TTC28: variants seen among roughly 807,000 people sequenced by gnomAD.
TTC28 encodes the protein tetratricopeptide repeat protein 28.
A neutral mutation model predicts 198.0 loss-of-function variants in TTC28; 61 were observed. The ratio of observed to expected loss-of-function variants is 0.31; its 90% CI spans 0.25 to 0.38. TTC28 has a LOEUF of 0.38. Ranked by LOEUF, TTC28 falls within the 10% of genes least tolerant of loss-of-function variation. The pLI, the probability that TTC28 is intolerant of heterozygous loss-of-function variation, is 1.00. For synonymous variants in TTC28, 1,171 were observed against 1,297.8 expected (o/e 0.90, Z 2.10); for missense variants, 2,678 against 3,164.0 (o/e 0.85, Z 3.69).
chr22:28,038,756 T>C (rs1050736393), intron 12 of TTC28, among the ~76,000 whole-genome samples: 1 of 152,192 alleles, frequency 6.6e-6, no homozygotes, highest in African/African-American at 2.4e-5. Context: ...GAGAAAATTT[T>C]TGCAATCTAC....
intron 6 of TTC28, among the ~76,000 whole-genome samples, chr22:28,162,372 G>A (rs561423077): frequency 5.9e-5 from 9 of 152,114 alleles, no homozygotes; most frequent in Non-Finnish European, 1.3e-4. Context: ...TTCCTGTGGG[G>A]TTAATTCACC....
intron 2 of TTC28, among the ~76,000 whole-genome samples, chr22:28,535,025 T>C (rs914255388): frequency 2.6e-5 from 4 of 152,062 alleles, no homozygotes; most frequent in Admixed American, 6.6e-5. Context: ...AACCTGCACA[T>C]TGTACACATG....
chr22:28,609,312 C>T (rs1168072884), intron 2 of TTC28, among the ~76,000 whole-genome samples: 1 of 152,130 alleles, frequency 6.6e-6, no homozygotes, highest in African/African-American at 2.4e-5. Context: ...ATAGGAACAG[C>T]TACGGTCTGC....
intron 2 of TTC28, among the ~76,000 whole-genome samples, chr22:28,539,535 C>T (rs1334654392): frequency 6.6e-6 from 1 of 151,800 alleles, no homozygotes; most frequent in Non-Finnish European, 1.5e-5. Flanking sequence ...ACTTGGGAGG[C>T]TGAGGCGTGA....
At chr22:28,459,441 A>T (rs928691263) in intron 2 of TTC28, among the ~76,000 whole-genome samples, 1 of 152,106 alleles carries the variant, frequency 6.6e-6, no homozygotes, top group East Asian at 1.9e-4. Context: ...AAAGAAAAAA[A>T]AAATTAAAGA....
chr22:28,079,902 A>AT (rs960688834), intron 12 of TTC28, among the ~76,000 whole-genome samples: 4 of 151,956 alleles, frequency 2.6e-5, no homozygotes, highest in African/African-American at 9.7e-5. Context: ...AGTTTTAAAA[A>AT]TTTTTTTGTA....
intron 2 of TTC28, among the ~76,000 whole-genome samples, chr22:28,313,614 CAT>C (rs1264617692): frequency 1.3e-5 from 2 of 152,182 alleles, no homozygotes; most frequent in Non-Finnish European, 2.9e-5. Context: ...ACAAAAACCA[CAT>C]GATTATCTCA....
intron 3 of TTC28, among the ~76,000 whole-genome samples, chr22:28,305,967 T>C (rs2045136198): frequency 6.6e-6 from 1 of 152,304 alleles, no homozygotes; most frequent in Admixed American, 6.5e-5. Flanking sequence ...CTGTCTTGTT[T>C]TTTTCTTTTT....
intron 2 of TTC28, among the ~76,000 whole-genome samples, chr22:28,608,457 A>C (rs1455015138): frequency 1.3e-5 from 2 of 152,234 alleles, no homozygotes. Flanking sequence ...GCAACTGCTT[A>C]ACATCACAAC....
chr22:28,356,383 T>C (rs1044025123), intron 2 of TTC28, among the ~76,000 whole-genome samples: 1 of 152,154 alleles, frequency 6.6e-6, no homozygotes, highest in African/African-American at 2.4e-5. Flanking sequence ...CTGAGAAATC[T>C]CTAGGGCTCT....
chr22:28,628,380 T>A (rs1165077682), intron 2 of TTC28, among the ~76,000 whole-genome samples: 3 of 152,188 alleles, frequency 2.0e-5, no homozygotes, highest in African/African-American at 7.2e-5. Context: ...CTTACTTATA[T>A]GAAGTGAAGT....
intron 5 of TTC28, among the ~76,000 whole-genome samples, chr22:28,182,944 C>T (rs958188648): frequency 1.3e-5 from 2 of 152,046 alleles, no homozygotes; most frequent in African/African-American, 4.8e-5. Flanking sequence ...TGAAGTTGGA[C>T]TAGGATCTAC....
At chr22:28,130,151 A>G (rs1265351005) in intron 6 of TTC28, among the ~76,000 whole-genome samples, 1 of 152,210 alleles carries the variant, frequency 6.6e-6, no homozygotes, top group Non-Finnish European at 1.5e-5. Context: ...TCAAAGTTTA[A>G]GCAGATTCCT....
intron 2 of TTC28, among the ~76,000 whole-genome samples, chr22:28,358,683 C>T (rs766979100): frequency 1.1e-4 from 17 of 152,164 alleles, no homozygotes; most frequent in Admixed American, 7.9e-4. Flanking sequence ...CATTCTTCTA[C>T]TTAGTAGATG....
At chr22:28,536,413 A>G (rs2049279712) in intron 2 of TTC28, among the ~76,000 whole-genome samples, 1 of 151,644 alleles carries the variant, frequency 6.6e-6, no homozygotes, top group Admixed American at 6.6e-5. Flanking sequence ...TCACGAGGTC[A>G]GGAGATCGAG....
At position 28,005,464 on chromosome 22, in the gene TTC28, C is replaced by T. The variant is rs565921269; in HGVS notation, c.4219-3911G>A. On this transcript the variant is annotated intron_variant, in intron 14 of 22. Coordinates refer to ENST00000397906, the MANE Select transcript of TTC28 (RefSeq NM_001145418.2). This position sits in a 1 kb window ranked among gnomAD's most constrained non-coding sequence, Gnocchi z 4.9. The stretch of plus-strand genomic sequence containing the variant: ...AGGTCCTGAAGCCCTTGTCACTATC[C>T]GCTCCAAGATAGGCTGCATTCCTTT... 6.6e-6 allele frequency among the ~76,000 whole-genome samples: 1 copy of T among 152,184 alleles called. No individual in the cohort carries two copies. Among genetic ancestry groups the T allele is most frequent in the Non-Finnish European group, 1.5e-5 (1 of 68,032 alleles).
intron 12 of TTC28, among the ~76,000 whole-genome samples, chr22:28,042,394 G>A (rs1939679721): frequency 1.3e-5 from 2 of 152,118 alleles, no homozygotes; most frequent in South Asian, 4.1e-4. Flanking sequence ...GGAATACTAT[G>A]CAGACATAAA....
At chr22:28,539,346 G>A (rs1016780924) in intron 2 of TTC28, among the ~76,000 whole-genome samples, 1 of 152,104 alleles carries the variant, frequency 6.6e-6, no homozygotes, top group Non-Finnish European at 1.5e-5. Context: ...ACCTACATGG[G>A]TGGAGAGGCC....
At chr22:28,157,063 A>G (rs1943765643) in intron 6 of TTC28, among the ~76,000 whole-genome samples, 1 of 152,350 alleles carries the variant, frequency 6.6e-6, no homozygotes, top group East Asian at 1.9e-4. Flanking sequence ...ATACTAAGAA[A>G]AAAAGAGAGC....
Sources: gnomAD v4.1 joint callset for allele counts (sites outside exome capture counted in the v4.1 genomes callset) on GRCh38, gnomAD v4.1.1 for gene constraint, Gnocchi (gnomAD v3.1) non-coding constraint, MANE v1.5 for transcripts, NCBI Gene and HGNC (gene_info 2026-07-23, HGNC 2026-07-21) for gene names.